Variants in PCDHA4 observed in about 807,000 individuals in gnomAD.
PCDHA4 encodes the protein protocadherin alpha 4, also known as protocadherin alpha-4.
PCDHA4 carries 49 observed loss-of-function variants against 61.4 expected under a neutral mutation model. The observed-to-expected ratio is 0.80, with a 90% CI of 0.63 to 1.01. PCDHA4 has a LOEUF of 1.01. Ranked by LOEUF, PCDHA4 falls within the 50% of genes least tolerant of loss-of-function variation. The pLI is 0.00. For missense variants in PCDHA4, 1,254 were observed against 1,235.8 expected, an observed-to-expected ratio of 1.01 and a Z score of -0.22; for synonymous variants, 590 against 550.3, an observed-to-expected ratio of 1.07 and a Z score of -1.01.
rs181382577 is a variant in PCDHA4 at position 140,851,207 on chromosome 5, A to G, written c.2385+41635A>G. 3,689 of 1,174,684 alleles carry G rather than the reference A, an allele frequency of 3.1e-3. 213 individuals carry two copies. The highest frequency in any genetic ancestry group is 3.6e-3 in the Non-Finnish European group (3,326 of 916,620). The allele number at this position is 1,174,684 out of a possible 1,614,324, so 72.8% of individuals were successfully genotyped here. On this transcript the variant is annotated intron_variant, in intron 1 of 3. Transcript: ENST00000530339. The stretch of plus-strand genomic sequence containing the variant: ...CCAATTTAGTTGTTAGTCATTCATT[A>G]AACATTAACATCACTATCATTTATT...
chr5:140,856,177 C>T (rs200004763), intron 1 of PCDHA4: 1 of 1,598,248 alleles, frequency 6.3e-7, no homozygotes, highest in Non-Finnish European at 8.6e-7. Context: ...ACGGCACCTT[C>T]GTGGGCCGCA....
At chr5:140,871,528 T>C (rs373016617) in intron 1 of PCDHA4, 418 of 1,530,484 alleles carry the variant, frequency 2.7e-4, no homozygotes, top group Non-Finnish European at 3.4e-4. Flanking sequence ...TATCAGGAAG[T>C]GTATGTGAAA....
chr5:140,925,822 T>C (rs1554202964), intron 1 of PCDHA4, among the ~76,000 whole-genome samples: 1 of 152,156 alleles, frequency 6.6e-6, no homozygotes, highest in African/African-American at 2.4e-5. Flanking sequence ...ACGTCTTCTT[T>C]GGGGACGGGT....
chr5:140,949,040 A>G (rs1419524123), intron 1 of PCDHA4, among the ~76,000 whole-genome samples: 1 of 151,758 alleles, frequency 6.6e-6, no homozygotes, highest in Non-Finnish European at 1.5e-5. Flanking sequence ...ATTTAAAAGT[A>G]TGTTCTAATT....
chr5:140,812,657 A>G (rs1192812490), intron 1 of PCDHA4: 1 of 152,140 alleles, frequency 6.6e-6, no homozygotes, highest in Non-Finnish European at 1.5e-5. Flanking sequence ...ACAAGATCTC[A>G]CTATGATGTA....
chr5:140,927,306 G>T (rs782091835), intron 1 of PCDHA4: 10 of 1,614,040 alleles, frequency 6.2e-6, no homozygotes, highest in Non-Finnish European at 5.9e-6. Context: ...AGTTCCTGAC[G>T]CCCGGAGCCC....
chr5:140,873,875 G>T (rs977504739), intron 1 of PCDHA4, among the ~76,000 whole-genome samples: 2 of 152,104 alleles, frequency 1.3e-5, no homozygotes, highest in African/African-American at 4.8e-5. Context: ...TGGCCAGGCT[G>T]GTCTTGAACT....
intron 1 of PCDHA4, chr5:140,823,929 C>T (rs2150130451): frequency 1.5e-5 from 24 of 1,613,840 alleles, no homozygotes; most frequent in Non-Finnish European, 1.9e-5. Context: ...TGCTGTACAC[C>T]GCGCTGCGGT....
intron 1 of PCDHA4, chr5:140,870,676 G>T: frequency 6.2e-7 from 1 of 1,612,702 alleles, no homozygotes. Flanking sequence ...GTTGGACCAC[G>T]AGGAGCTGGA....
At chr5:140,942,338 G>A (rs1554214916) in intron 1 of PCDHA4, among the ~76,000 whole-genome samples, 1 of 152,042 alleles carries the variant, frequency 6.6e-6, no homozygotes, top group African/African-American at 2.4e-5. Flanking sequence ...TGAACCAGAG[G>A]GAGGCGGAGG....
chr5:140,812,585 T>C (rs1765140145), intron 1 of PCDHA4: 1 of 152,148 alleles, frequency 6.6e-6, no homozygotes, highest in African/African-American at 2.4e-5. Flanking sequence ...CTTTCTTCTT[T>C]CTTCATTTTT....
chr5:140,856,181 G>T lies in PCDHA4; in HGVS notation c.2385+46609G>T, dbSNP rs781803033. 1.1e-5 allele frequency: 18 copies of T among 1,598,112 alleles called. 2 individuals are homozygous for T. Among genetic ancestry groups the T allele is most frequent in the Middle Eastern group, 3.4e-4 (2 of 5,944 alleles). On this transcript the variant is annotated intron_variant, in intron 1 of 3. Coordinates refer to ENST00000530339, the MANE Select transcript of PCDHA4 (RefSeq NM_018907.4). Reference sequence around the variant, plus strand: ...GGAGGCCAGACACGGCACCTTCGTGGGCCGCATCGCGCAGGACCTGGGGCT... The same window carrying T: ...GGAGGCCAGACACGGCACCTTCGTGTGCCGCATCGCGCAGGACCTGGGGCT...
At chr5:140,839,380 TATG>T (rs2150297142) in intron 1 of PCDHA4, among the ~76,000 whole-genome samples, 147,881 of 151,388 alleles carry the variant, frequency 0.98, 72,191 homozygotes, top group East Asian at 1. Flanking sequence ...CATCAATTAT[TATG>T]ATGATGATGA....
chr5:140,938,991 T>C (rs2092291799), intron 1 of PCDHA4, among the ~76,000 whole-genome samples: 2 of 152,230 alleles, frequency 1.3e-5, no homozygotes, highest in South Asian at 2.1e-4. Context: ...TGGCTTTATA[T>C]AGTAAGTTAA....
At chr5:140,968,410 T>A (rs1554230678) in intron 1 of PCDHA4, 2 of 1,614,040 alleles carry the variant, frequency 1.2e-6, no homozygotes, top group Non-Finnish European at 1.7e-6. Flanking sequence ...TCTTTGTGAC[T>A]GTGGAGGCTC....
chr5:140,810,861 C>T (rs1554125588), intron 1 of PCDHA4: 1 of 151,958 alleles, frequency 6.6e-6, no homozygotes, highest in Non-Finnish European at 1.5e-5. Context: ...CTCAATTTAT[C>T]AATTTTTGCT....
intron 1 of PCDHA4, among the ~76,000 whole-genome samples, chr5:140,961,451 T>C (rs1307588711): frequency 1.3e-5 from 2 of 152,238 alleles, no homozygotes; most frequent in Non-Finnish European, 2.9e-5. Context: ...TACACTGTCT[T>C]GCAGCTGCCT....
chr5:141,003,574 A>G (rs559561339), intron 3 of PCDHA4, among the ~76,000 whole-genome samples: 22 of 151,680 alleles, frequency 1.5e-4, no homozygotes, highest in Admixed American at 3.9e-4. Context: ...CAGACTCCCA[A>G]AGTGCTGGGA....
intron 1 of PCDHA4, among the ~76,000 whole-genome samples, chr5:140,977,234 A>G (rs2096751203): frequency 1.3e-5 from 2 of 152,242 alleles, no homozygotes; most frequent in Non-Finnish European, 2.9e-5. Flanking sequence ...CCAATCATAG[A>G]AAAATTGGCA....
Sources: allele counts gnomAD v4.1 joint callset (sites outside exome capture counted in the v4.1 genomes callset), GRCh38; gene constraint gnomAD v4.1.1; transcripts MANE v1.5; gene names NCBI Gene and HGNC (gene_info 2026-07-23, HGNC 2026-07-21).